TTC9C: variants seen among roughly 807,000 people sequenced by gnomAD.
TTC9C encodes the protein tetratricopeptide repeat protein 9C.
A neutral mutation model predicts 22.5 loss-of-function variants in TTC9C; 15 were observed. That is an observed-to-expected ratio of 0.67 (90% CI 0.45 to 1.03). TTC9C has a LOEUF of 1.03. Among genes scored for constraint, TTC9C ranks in the 50% least tolerant of loss-of-function variants. TTC9C has a pLI of 0.00. For synonymous variants in TTC9C, 92 were observed against 86.8 expected (o/e 1.06, Z -0.33); for missense variants, 244 against 214.6 (o/e 1.14, Z -0.86).
Position 62,729,190 on chromosome 11 carries a change from A to G in TTC9C, c.238+104A>G, listed in dbSNP as rs563334173. ...CTGACTTTTTTTTTTTTTTACTGTCATCCATTTATTCTGCCATGAATTGGA... is the reference window on the plus strand; with the variant it reads ...CTGACTTTTTTTTTTTTTTACTGTCGTCCATTTATTCTGCCATGAATTGGA... On this transcript the variant is annotated intron_variant, in intron 1 of 2. Coordinates refer to ENST00000316461, the MANE Select transcript of TTC9C (RefSeq NM_173810.4). The G allele has an allele frequency of 7.4e-5, 70 of 951,620 alleles. 1 individual carries two copies. The African/African-American group carries it at 8.8e-4, about 12-fold the overall frequency. The allele number at this position is 951,620 out of a possible 1,614,324, so 58.9% of individuals were successfully genotyped here.
At chr11:62,738,082 T>C (rs2083931721) in intron 2 of TTC9C, among the ~76,000 whole-genome samples, 1 of 148,000 alleles carries the variant, frequency 6.8e-6, no homozygotes, top group Admixed American at 6.7e-5. Flanking sequence ...AAATAAAAAT[T>C]AGCAGCCGGG....
At chr11:62,734,953 A>G (rs7113213) in intron 1 of TTC9C, among the ~76,000 whole-genome samples, 310 of 152,298 alleles carry the variant, frequency 2.0e-3, no homozygotes, top group African/African-American at 7.1e-3. Context: ...CTAGAGTGCA[A>G]TGGCACGATC....
chr11:62,729,168 A>G (rs1590907653), intron 1 of TTC9C, 82 bp downstream of exon 1: 9 of 1,168,720 alleles, frequency 7.7e-6, no homozygotes, highest in Admixed American at 2.4e-5. Context: ...AAAAACGCTG[A>G]CTTTTTTTTT....
chr11:62,729,725 G>T (rs1052255029), intron 1 of TTC9C, among the ~76,000 whole-genome samples: 2 of 151,886 alleles, frequency 1.3e-5, no homozygotes, highest in Admixed American at 6.6e-5. Flanking sequence ...ACAGGCATGC[G>T]CCACCATGCC....
At chr11:62,734,930 C>G (rs999567178) in intron 1 of TTC9C, among the ~76,000 whole-genome samples, 9 of 152,218 alleles carry the variant, frequency 5.9e-5, no homozygotes, top group African/African-American at 2.2e-4. Context: ...AAGTTTCACT[C>G]TTGTTCCCCA....
chr11:62,728,459 G>T (rs369833348), upstream of TTC9C: 12 of 467,062 alleles, frequency 2.6e-5, no homozygotes, highest in African/African-American at 7.9e-5. Flanking sequence ...GTCGGGGGGG[G>T]GCGGGTCCAA....
At chr11:62,734,460 C>T (rs2083887770) in intron 1 of TTC9C, among the ~76,000 whole-genome samples, 1 of 151,324 alleles carries the variant, frequency 6.6e-6, no homozygotes, top group Non-Finnish European at 1.5e-5. Context: ...ATTAGCTGGA[C>T]ATGGGTAATC....
Position 62,735,366 on chromosome 11 carries a change from T to C in TTC9C, c.239-16T>C. ...AGCCCCTCCTACCTCTTCTCTCTTT[T>C]CATTTGGCCCATTAGCTTGTCTCCT... On this transcript the variant is annotated splice_polypyrimidine_tract_variant and intron_variant, in intron 1 of 2. Coordinates refer to ENST00000316461, the MANE Select transcript of TTC9C (RefSeq NM_173810.4). 2.5e-6 allele frequency: 4 copies of C among 1,612,274 alleles called. No individual in the cohort carries two copies. Among genetic ancestry groups the C allele is most frequent in the East Asian group, 2.2e-5 (1 of 44,840 alleles).
At position 62,738,467 on chromosome 11, in the gene TTC9C, ATT is replaced by A; in HGVS notation, c.*86_*87del. On this transcript the variant is annotated 3_prime_UTR_variant, in exon 3 of 3. Transcript: ENST00000316461. ...AGAAATCTGAGCCTCAGCAAGAGAA[ATT>A]AACCCTATACCTCTGACCCAGGTGG... The A allele has an allele frequency of 1.0e-6, 1 of 954,292 alleles. No individual in the cohort carries two copies. Among genetic ancestry groups the A allele is most frequent in the Admixed American group, 2.1e-5 (1 of 47,568 alleles). The allele number at this position is 954,292 out of a possible 1,614,324, so 59.1% of individuals were successfully genotyped here.
intron 2 of TTC9C, among the ~76,000 whole-genome samples, chr11:62,736,679 G>A (rs2083916418): frequency 6.6e-6 from 1 of 150,398 alleles, no homozygotes. Flanking sequence ...AGGGGACAGA[G>A]GGCGGCTCCG....
At chr11:62,729,351 A>G (rs942011430) in intron 1 of TTC9C, among the ~76,000 whole-genome samples, 51 of 151,044 alleles carry the variant, frequency 3.4e-4, no homozygotes, top group African/African-American at 1.2e-3. Flanking sequence ...CGTGGGGCCT[A>G]TCAGTTTGCA....
intron 1 of TTC9C, among the ~76,000 whole-genome samples, chr11:62,730,164 C>T (rs2083831158): frequency 6.6e-6 from 1 of 152,124 alleles, no homozygotes; most frequent in African/African-American, 2.4e-5. Flanking sequence ...CAACCTCCTC[C>T]TCCCGGGTTC....
At position 62,728,819 on chromosome 11, in the gene TTC9C, C is replaced by T. The variant is rs768144717; in HGVS notation, c.-30C>T. The T allele has an allele frequency of 3.7e-6, 6 of 1,610,578 alleles. No individual in the cohort carries two copies. In the Admixed American group the frequency reaches 6.7e-5, roughly 18 times the overall value. ...AGAGCTTCACTTGCTCCTTCACTTC[C>T]CAGTTCCGCAAGAACCGTGGGCGAC... is the stretch of plus-strand genomic sequence containing the variant. On this transcript the variant is annotated 5_prime_UTR_variant, in exon 1 of 3. Coordinates refer to ENST00000316461, the MANE Select transcript of TTC9C (RefSeq NM_173810.4).
In TTC9C at chr11:62,733,202, T is replaced by G. The variant is rs531774730; in HGVS notation, c.239-2180T>G. On this transcript the variant is annotated intron_variant, in intron 1 of 2. Coordinates refer to ENST00000316461, the MANE Select transcript of TTC9C (RefSeq NM_173810.4). ...TGCCTGAATTGACTCCTCTGCAGGT[T>G]TGTATTTCAAGGTCCCATTAAGTCA... 7.9e-6 allele frequency: 10 copies of G among 1,273,388 alleles called. No individual in the cohort carries two copies. The South Asian group carries it at 1.3e-4, about 16-fold the overall frequency. The allele number at this position is 1,273,388 out of a possible 1,614,324, so 78.9% of individuals were successfully genotyped here.
At position 62,735,405 on chromosome 11, in the gene TTC9C, G is replaced by A. The variant is rs753620423; in HGVS notation, c.262G>A (p.Val88Met). ...LAACLLQMEP[V>M]NYERVREYSQ... ...AGCTTGTCTCCTTCAGATGGAGCCC[G>A]TGAACTACGAACGAGTGAGAGAATA... is the stretch of plus-strand genomic sequence containing the variant. The change falls in exon 2 of 3, where the codon GTG becomes ATG. Residue 88 changes from valine (V) to methionine (M), a missense_variant. Val to Met is a conservative substitution (Grantham distance 21). Coordinates refer to ENST00000316461, the MANE Select transcript of TTC9C (RefSeq NM_173810.4). 3.7e-6 allele frequency: 6 copies of A among 1,614,014 alleles called. No individual in the cohort carries two copies. Among genetic ancestry groups the A allele is most frequent in the South Asian group, 2.2e-5 (2 of 91,078 alleles).
intron 1 of TTC9C, 108 bp from the exon 2 acceptor site, chr11:62,735,274 T>C: frequency 3.5e-6 from 5 of 1,418,968 alleles, no homozygotes; most frequent in Non-Finnish European, 4.7e-6. Context: ...TTAGCATTTG[T>C]TGACTGAATG....
chr11:62,729,784 C>T (rs188880000), intron 1 of TTC9C, among the ~76,000 whole-genome samples: 1 of 152,122 alleles, frequency 6.6e-6, no homozygotes, highest in African/African-American at 2.4e-5. Flanking sequence ...TAATATTGGT[C>T]AGGCTGGTCT....
chr11:62,735,482 G>C lies in TTC9C; in HGVS notation c.339G>C (p.Arg113=). The stretch of plus-strand genomic sequence containing the variant: ...CTGATAATGCCAAGGCCTTGTATCG[G>C]GCCGGAGTGGCCTTTTTCCATCTGC... ...RQPDNAKALY[R]AGVAFFHLQD... is the part of the protein sequence containing the mutation. The change falls in exon 2 of 3, where the codon CGG becomes CGC. Residue 113 remains arginine (R), a synonymous_variant. Transcript: ENST00000316461. The C allele has an allele frequency of 2.5e-6, 4 of 1,614,082 alleles. No individual in the cohort carries two copies. The highest frequency in any genetic ancestry group is 3.4e-6 in the Non-Finnish European group (4 of 1,180,002).
chr11:62,737,729 C>A (rs1267433533), intron 2 of TTC9C, among the ~76,000 whole-genome samples: 1 of 152,158 alleles, frequency 6.6e-6, no homozygotes, highest in Non-Finnish European at 1.5e-5. Flanking sequence ...ATCTTGCTTT[C>A]ATTATGAAAT....
Sources: gnomAD v4.1 joint callset for allele counts (sites outside exome capture counted in the v4.1 genomes callset) on GRCh38, gnomAD v4.1.1 for gene constraint, MANE v1.5 for transcripts, NCBI Gene and HGNC (gene_info 2026-07-23, HGNC 2026-07-21) for gene names.